The following RPS6KC1 variants were observed in gnomAD, a reference collection of about 807,000 sequenced individuals.
RPS6KC1 encodes ribosomal protein S6 kinase C1.
A neutral mutation model predicts 103.8 loss-of-function variants in RPS6KC1; 54 were observed. That is an observed-to-expected ratio of 0.52 (90% CI 0.42 to 0.65). RPS6KC1 has a LOEUF of 0.65. Among genes scored for constraint, RPS6KC1 ranks in the 30% least tolerant of loss-of-function variants. The pLI, the probability that RPS6KC1 is intolerant of heterozygous loss-of-function variation, is 0.00. For missense variants in RPS6KC1, 1,151 were observed against 1,253.8 expected (o/e 0.92, Z 1.24); for synonymous variants, 439 against 438.7 (o/e 1.00, Z -0.01).
At chr1:213,456,513 T>C in the RPS6KC1 span, among the ~76,000 whole-genome samples, 1 of 152,140 alleles carries the variant, frequency 6.6e-6, no homozygotes, top group African/African-American at 2.4e-5. Context: ...TGACTGCTGG[T>C]CTTCCTAACT....
chr1:213,822,148 T>C, the RPS6KC1 span: 1 of 152,222 alleles, frequency 6.6e-6, no homozygotes, highest in Non-Finnish European at 1.5e-5. Context: ...TGCTCTCCTC[T>C]GATTGCTCAG....
At chr1:213,547,531 A>G in the RPS6KC1 span, among the ~76,000 whole-genome samples, 19 of 152,236 alleles carry the variant, frequency 1.2e-4, 1 homozygote, top group African/African-American at 4.6e-4. Context: ...CACCTGATGT[A>G]GTTTGGATAT....
the RPS6KC1 span, among the ~76,000 whole-genome samples, chr1:213,411,757 A>C: frequency 6.6e-6 from 1 of 152,194 alleles, no homozygotes; most frequent in Non-Finnish European, 1.5e-5. Context: ...GTAATTAAAA[A>C]TGGGTGCATT....
chr1:213,136,401 A>G (rs2086268271), intron 6 of RPS6KC1, among the ~76,000 whole-genome samples: 1 of 152,144 alleles, frequency 6.6e-6, no homozygotes, highest in Non-Finnish European at 1.5e-5. Flanking sequence ...GCATGAACTG[A>G]ACGGCATAAC....
the RPS6KC1 span, among the ~76,000 whole-genome samples, chr1:213,631,825 T>C: frequency 6.6e-6 from 1 of 152,156 alleles, no homozygotes; most frequent in Non-Finnish European, 1.5e-5. Flanking sequence ...TACAAAACTA[T>C]ATTTTAAAAG....
At chr1:213,174,498 C>T (rs1013341876) in intron 7 of RPS6KC1, among the ~76,000 whole-genome samples, 1 of 151,830 alleles carries the variant, frequency 6.6e-6, no homozygotes, top group Non-Finnish European at 1.5e-5. Flanking sequence ...GATGAAACTC[C>T]GTCTCTACTA....
chr1:213,664,770 T>A, the RPS6KC1 span, among the ~76,000 whole-genome samples: 5 of 152,214 alleles, frequency 3.3e-5, no homozygotes, highest in Non-Finnish European at 7.3e-5. Flanking sequence ...ATAATTAAGA[T>A]CTTTAGTATG....
intron 8 of RPS6KC1, among the ~76,000 whole-genome samples, chr1:213,177,613 G>A (rs1027738354): frequency 2.0e-5 from 3 of 152,096 alleles, no homozygotes; most frequent in African/African-American, 7.2e-5. Flanking sequence ...AAAATTCTAA[G>A]TAGTAGGATT....
the RPS6KC1 span, among the ~76,000 whole-genome samples, chr1:213,393,381 A>G: frequency 1.3e-5 from 2 of 152,108 alleles, no homozygotes; most frequent in Admixed American, 6.5e-5. Context: ...ACCCGGATCA[A>G]TAGGTTTTAA....
the RPS6KC1 span, among the ~76,000 whole-genome samples, chr1:213,587,741 G>A: frequency 6.6e-6 from 1 of 152,276 alleles, no homozygotes; most frequent in Admixed American, 6.5e-5. Flanking sequence ...AATATTAAAT[G>A]ACCATTTGCA....
At chr1:213,820,696 T>G in the RPS6KC1 span, 5 of 152,148 alleles carry the variant, frequency 3.3e-5, no homozygotes, top group African/African-American at 1.2e-4. Context: ...GGAAGTAGGT[T>G]CTGAGAGAGG....
chr1:213,434,533 A>G, the RPS6KC1 span, among the ~76,000 whole-genome samples: 2 of 151,890 alleles, frequency 1.3e-5, no homozygotes, highest in Non-Finnish European at 2.9e-5. Flanking sequence ...TCACCTCACT[A>G]CAACCTCCGC....
chr1:213,768,538 T>G, the RPS6KC1 span, among the ~76,000 whole-genome samples: 1 of 152,230 alleles, frequency 6.6e-6, no homozygotes. Flanking sequence ...CCTCCTTATA[T>G]CCAAATGATA....
chr1:213,578,157 G>A, the RPS6KC1 span, among the ~76,000 whole-genome samples: 1 of 152,240 alleles, frequency 6.6e-6, no homozygotes, highest in Admixed American at 6.5e-5. Context: ...GAGGGTGCAA[G>A]CCAAAAGCCT....
chr1:213,484,429 T>A, the RPS6KC1 span, among the ~76,000 whole-genome samples: 1 of 152,216 alleles, frequency 6.6e-6, no homozygotes, highest in African/African-American at 2.4e-5. Flanking sequence ...GTTTATGTGG[T>A]TGTTGGCAAG....
In RPS6KC1 at chr1:213,204,356, C is replaced by T. The variant is rs138202969; in HGVS notation, c.1045-26141C>T. On this transcript the variant is annotated intron_variant, in intron 8 of 14. Transcript: ENST00000366960. Reference sequence around the variant, plus strand: ...ATTTCTTTTATCTTTTTATGATTTTCCTTTATGGTTTGCCTTTGATGCTAT... The same window carrying T: ...ATTTCTTTTATCTTTTTATGATTTTTCTTTATGGTTTGCCTTTGATGCTAT... Among the ~76,000 whole-genome samples the T allele has an allele frequency of 3.1e-3, 466 of 152,186 alleles. 10 individuals carry two copies. Among genetic ancestry groups the T allele is most frequent in the Non-Finnish European group, 1.6e-3 (109 of 67,986 alleles).
chr1:213,323,485 G>C, the RPS6KC1 span, among the ~76,000 whole-genome samples: 1 of 152,098 alleles, frequency 6.6e-6, no homozygotes, highest in African/African-American at 2.4e-5. Flanking sequence ...CATACTGTCT[G>C]GGCCTGTGGT....
chr1:213,208,528 C>T (rs1297886360), intron 8 of RPS6KC1, among the ~76,000 whole-genome samples: 6 of 152,132 alleles, frequency 3.9e-5, no homozygotes, highest in South Asian at 2.1e-4. Flanking sequence ...ATTTGGGTAA[C>T]AATCTAGATG....
At position 213,240,935 on chromosome 1, in the gene RPS6KC1, G is replaced by C. The variant is rs770288249; in HGVS notation, c.1459G>C (p.Glu487Gln). The change falls in exon 11 of 15, where the codon GAA becomes CAA. Residue 487 changes from glutamate (E) to glutamine (Q), a missense_variant. Physicochemically the swap from Glu to Gln is conservative, Grantham distance 29. Coordinates refer to ENST00000366960, the MANE Select transcript of RPS6KC1 (RefSeq NM_012424.6). Reference protein sequence around the residue: ...TPSSQDDSNQEDDGQDSSPKW... With the variant: ...TPSSQDDSNQQDDGQDSSPKW... The stretch of plus-strand genomic sequence containing the variant: ...AAGTTCTCAAGATGACAGCAACCAG[G>C]AAGATGATGGCCAAGATAGCTCTCC... 1.2e-6 allele frequency: 2 copies of C among 1,613,808 alleles called. No homozygotes were observed. The highest frequency in any genetic ancestry group is 3.3e-5 in the Admixed American group (2 of 59,922).
Sources: gnomAD v4.1 joint callset for allele counts (sites outside exome capture counted in the v4.1 genomes callset) on GRCh38, gnomAD v4.1.1 for gene constraint, MANE v1.5 for transcripts, NCBI Gene and HGNC (gene_info 2026-07-23, HGNC 2026-07-21) for gene names.